MTAP: variants seen among roughly 807,000 people sequenced by gnomAD.
MTAP encodes methylthioadenosine phosphorylase.
MTAP carries 33 observed loss-of-function variants against 33.6 expected under a neutral mutation model. The ratio of observed to expected loss-of-function variants is 0.98; its 90% CI spans 0.74 to 1.31. MTAP has a LOEUF of 1.31. Ranked by LOEUF, MTAP falls within the 40% of genes most tolerant of loss-of-function variation. The pLI is 0.00. For missense variants in MTAP, 367 were observed against 360.0 expected (o/e 1.02, Z -0.16); for synonymous variants, 148 against 125.7 (o/e 1.18, Z -1.19).
At position 21,802,709 on chromosome 9, in the gene MTAP, C is replaced by A. The variant is rs376148276; in HGVS notation, c.-40C>A. On this transcript the variant is annotated 5_prime_UTR_variant, in exon 1 of 8. Transcript: ENST00000644715. ...TGTGGCTCGCTTGGTTCCCTTAGTC[C>A]CGAGCGCTCGCCCACTGCAGATTCC... The A allele has an allele frequency of 6.2e-7, 1 of 1,606,392 alleles. No homozygotes were observed. The highest frequency in any genetic ancestry group is 8.5e-7 in the Non-Finnish European group (1 of 1,177,190).
rs763726255 is a variant in MTAP at position 21,866,831 on chromosome 9, T to C, written c.*4817T>C. ...GAATTGACAATATTGAACCTTTCAA[T>C]CGATGGACATGGTATGTTTCTGCAT... On this transcript the variant is annotated 3_prime_UTR_variant, in exon 8 of 8. Coordinates refer to ENST00000644715, the MANE Select transcript of MTAP (RefSeq NM_002451.4). The C allele has an allele frequency of 1.3e-5, 2 of 152,144 alleles. No individual in the cohort carries two copies. The highest frequency in any genetic ancestry group is 2.9e-5 in the Non-Finnish European group (2 of 67,996). 9.4% of individuals were successfully genotyped at this position (152,144 alleles called of 1,614,324 possible). A position where few individuals can be genotyped will look rare whatever the true frequency, so the allele number is the denominator to read the frequency against.
At chr9:21,826,188 CTTT>C (rs35502549) in intron 4 of MTAP, among the ~76,000 whole-genome samples, 7 of 138,696 alleles carry the variant, frequency 5.0e-5, no homozygotes, top group Admixed American at 1.4e-4. Context: ...AGAACATTTT[CTTT>C]TTTTTTTTTT....
intron 3 of MTAP, 116 bp from the exon 4 acceptor site, chr9:21,817,919 C>G: frequency 1.0e-6 from 1 of 990,562 alleles, no homozygotes; most frequent in East Asian, 2.8e-5. Flanking sequence ...CTAGGAGACC[C>G]CCTGTGTTAG....
chr9:21,902,056 G>A (rs1452780219), intron 1 of MTAP, among the ~76,000 whole-genome samples: 3 of 152,186 alleles, frequency 2.0e-5, no homozygotes, highest in Non-Finnish European at 4.4e-5. Flanking sequence ...TACAGGCAAG[G>A]AACAGGTGCC....
intron 1 of MTAP, among the ~76,000 whole-genome samples, chr9:21,879,049 G>C (rs551802959): frequency 6.6e-6 from 1 of 152,302 alleles, no homozygotes; most frequent in African/African-American, 2.4e-5. Flanking sequence ...AGGGTGGAGA[G>C]TTCTGTAGAG....
At chr9:21,839,400 A>T (rs1030882970) in intron 5 of MTAP, among the ~76,000 whole-genome samples, 1 of 152,184 alleles carries the variant, frequency 6.6e-6, no homozygotes, top group Admixed American at 6.5e-5. Context: ...AGGAGAGAAT[A>T]TGCATGCTCG....
At chr9:21,834,601 C>T (rs78083758) in intron 4 of MTAP, among the ~76,000 whole-genome samples, 1,941 of 152,302 alleles carry the variant, frequency 0.013, 20 homozygotes, top group Non-Finnish European at 0.022. Flanking sequence ...TCTTCAGAGC[C>T]AGCAATGGCA....
At chr9:21,828,903 C>G (rs887045994) in intron 4 of MTAP, among the ~76,000 whole-genome samples, 1 of 152,124 alleles carries the variant, frequency 6.6e-6, no homozygotes. Context: ...AGTGCTGCTG[C>G]CTTTGATTGA....
At chr9:21,937,157 G>C (rs1819053110) in exon 8 of MTAP, 1 of 152,092 alleles carries the variant, frequency 6.6e-6, no homozygotes, top group African/African-American at 2.4e-5. Flanking sequence ...TCAAGACCAT[G>C]GTGAAACTCC....
chr9:21,825,063 C>G (rs1000909533), intron 4 of MTAP, among the ~76,000 whole-genome samples: 1 of 152,118 alleles, frequency 6.6e-6, no homozygotes, highest in African/African-American at 2.4e-5. Context: ...TGAGGCGATG[C>G]CTCACCCTGC....
chr9:21,824,555 C>G (rs944738230), intron 4 of MTAP, among the ~76,000 whole-genome samples: 3 of 152,204 alleles, frequency 2.0e-5, no homozygotes, highest in Non-Finnish European at 4.4e-5. Flanking sequence ...TTCAGGGACC[C>G]ACCTGAGGAG....
At chr9:21,813,210 A>C (rs533668402) in intron 1 of MTAP, among the ~76,000 whole-genome samples, 4 of 152,328 alleles carry the variant, frequency 2.6e-5, no homozygotes, top group African/African-American at 9.6e-5. Context: ...TCCATCTTAG[A>C]GGTCCAGTTT....
chr9:21,820,818 T>A (rs150419362), intron 4 of MTAP, among the ~76,000 whole-genome samples: 228 of 152,334 alleles, frequency 1.5e-3, no homozygotes, highest in Non-Finnish European at 2.7e-3. Context: ...TGGTTTGTAG[T>A]TCTCCTTGAA....
downstream of MTAP, chr9:21,934,019 A>C (rs1200628810): frequency 6.6e-6 from 1 of 152,264 alleles, no homozygotes; most frequent in Non-Finnish European, 1.5e-5. The surrounding 1 kb of genome is among the most constrained non-coding windows in gnomAD (Gnocchi z 5.0). Flanking sequence ...TGAGCAATGA[A>C]TGATTCACAA....
In MTAP at chr9:21,815,461, A is replaced by G. The variant is rs770122867; in HGVS notation, c.62A>G (p.Asp21Gly). ...GGAATAATTGGTGGAACAGGCCTGG[A>G]TGATCCAGAAATTTTAGAAGGAAGA... ...KIGIIGGTGL[D>G]DPEILEGRTE... Residue 21 changes from aspartate (D) to glycine (G), a missense_variant, in exon 2 of 8, where the codon GAT (aspartate) becomes GGT (glycine). Asp to Gly is a moderately conservative substitution (Grantham distance 94). Coordinates refer to ENST00000644715, the MANE Select transcript of MTAP (RefSeq NM_002451.4). 33 of 1,611,264 alleles carry G rather than the reference A, an allele frequency of 2.0e-5. No individual in the cohort carries two copies. Among genetic ancestry groups the G allele is most frequent in the Non-Finnish European group, 2.6e-5 (31 of 1,178,478 alleles).
At chr9:21,859,468 C>G in intron 7 of MTAP, 43 bp downstream of exon 7, 1 of 1,546,826 alleles carries the variant, frequency 6.5e-7, no homozygotes, top group African/African-American at 1.4e-5. Flanking sequence ...TGTAGACTCT[C>G]TATTGTCTTC....
At chr9:21,827,410 T>A (rs935585955) in intron 4 of MTAP, among the ~76,000 whole-genome samples, 27 of 152,212 alleles carry the variant, frequency 1.8e-4, no homozygotes, top group African/African-American at 6.3e-4. Context: ...CATTATAATT[T>A]CCAGTCTATC....
At chr9:21,849,702 C>T (rs755568815) in intron 5 of MTAP, among the ~76,000 whole-genome samples, 25 of 152,218 alleles carry the variant, frequency 1.6e-4, no homozygotes, top group Non-Finnish European at 3.5e-4. Flanking sequence ...TTGAAAGACG[C>T]AGGGATGGTG....
intron 1 of MTAP, among the ~76,000 whole-genome samples, chr9:21,913,400 A>T (rs1462386088): frequency 6.6e-6 from 1 of 152,234 alleles, no homozygotes; most frequent in African/African-American, 2.4e-5. Flanking sequence ...TACAGTAACC[A>T]AAACAGCATG....
Sources: allele counts gnomAD v4.1 joint callset (sites outside exome capture counted in the v4.1 genomes callset), GRCh38; gene constraint gnomAD v4.1.1; non-coding constraint Gnocchi (gnomAD v3.1); transcripts MANE v1.5; gene names NCBI Gene and HGNC (gene_info 2026-07-23, HGNC 2026-07-21).